Variants in CTR9 observed in about 807,000 individuals in gnomAD.
CTR9 encodes the protein CTR9 component of Paf1/RNA polymerase II complex.
CTR9 carries 41 observed loss-of-function variants against 152.1 expected under a neutral mutation model. That is an observed-to-expected ratio of 0.27 (90% CI 0.21 to 0.35). The LOEUF is 0.35. Among genes scored for constraint, CTR9 ranks in the 10% least tolerant of loss-of-function variants. The pLI, the probability that CTR9 is intolerant of heterozygous loss-of-function variation, is 1.00. For synonymous variants in CTR9, 476 were observed against 496.2 expected (o/e 0.96, Z 0.54); for missense variants, 917 against 1,424.4 (o/e 0.64, Z 5.73).
In CTR9 at chr11:10,774,029, A is replaced by T; in HGVS notation, c.2745A>T (p.Gly915=). Residue 915 remains glycine (G), a synonymous_variant, in exon 22 of 25, where the codon GGA becomes GGT. Transcript: ENST00000361367. ...GGGGRRSKKG[G]EFDEFVNDDT... ...GATTTTAGCGTTCTAAGAAGGGAGG[A>T]GAGTTTGATGAATTTGTCAATGATG... The T allele has an allele frequency of 6.2e-7, 1 of 1,611,444 alleles. No individual in the cohort carries two copies. Among genetic ancestry groups the T allele is most frequent in the Non-Finnish European group, 8.5e-7 (1 of 1,178,914 alleles).
At position 10,773,280 on chromosome 11, in the gene CTR9, T is replaced by C. The variant is rs1863173683; in HGVS notation, c.2727+7T>C. 1 of 1,609,712 alleles carries C rather than the reference T, an allele frequency of 6.2e-7. No individual in the cohort carries two copies. The highest frequency in any genetic ancestry group is 8.5e-7 in the Non-Finnish European group (1 of 1,178,982). ...AGGTGGTGGTGGTGGACGGGTAAGA[T>C]ATAATTCCTGCTAGCACAAGTGACC... On this transcript the variant is annotated splice_region_variant and intron_variant, in intron 21 of 24. Transcript: ENST00000361367.
chr11:10,767,653 C>T lies in CTR9; in HGVS notation c.1687-153C>T, dbSNP rs1396814082. On this transcript the variant is annotated intron_variant, in intron 13 of 24. Coordinates refer to ENST00000361367, the MANE Select transcript of CTR9 (RefSeq NM_014633.5). This position sits in a 1 kb window ranked among gnomAD's most constrained non-coding sequence, Gnocchi z 4.0. Reference sequence around the variant, plus strand: ...TTAGTAGTTCGATAAATTTGGATTGCCATGCAAAAAAAAAAAGAAAGAAAG... The same window carrying T: ...TTAGTAGTTCGATAAATTTGGATTGTCATGCAAAAAAAAAAAGAAAGAAAG... The T allele has an allele frequency of 1.4e-5, 10 of 695,530 alleles. No individual in the cohort carries two copies. In the East Asian group the frequency reaches 2.3e-4, roughly 16 times the overall value. The allele number at this position is 695,530 out of a possible 1,614,324, so 43.1% of individuals were successfully genotyped here.
chr11:10,763,248 A>C (rs1863005699), intron 7 of CTR9, among the ~76,000 whole-genome samples, 183 bp from the exon 8 acceptor site: 1 of 148,688 alleles, frequency 6.7e-6, no homozygotes, highest in Admixed American at 6.6e-5. Context: ...TGGCTGTAGA[A>C]ACATACTCCC....
chr11:10,769,004 C>T (rs1392274641), intron 16 of CTR9, among the ~76,000 whole-genome samples: 6 of 152,112 alleles, frequency 3.9e-5, no homozygotes, highest in East Asian at 1.9e-4. Context: ...GGATGGATCA[C>T]GAGGTCAGGA....
intron 23 of CTR9, 36 bp downstream of exon 23, chr11:10,775,339 T>C: frequency 6.4e-7 from 1 of 1,565,078 alleles, no homozygotes; most frequent in Non-Finnish European, 8.8e-7. Context: ...TGTCCCCTAG[T>C]AGATGTGAAA....
At chr11:10,773,917 A>G (rs993592714) in intron 21 of CTR9, 95 bp from the exon 22 acceptor site, 18 of 796,014 alleles carry the variant, frequency 2.3e-5, no homozygotes, top group Non-Finnish European at 3.4e-5. Context: ...TTCATTGTCA[A>G]ATGACAATGG....
chr11:10,763,749 G>A lies in CTR9; in HGVS notation c.1064G>A (p.Gly355Asp). 1.2e-6 allele frequency: 2 copies of A among 1,613,836 alleles called. No individual in the cohort carries two copies. The highest frequency in any genetic ancestry group is 1.7e-6 in the Non-Finnish European group (2 of 1,179,904). ...FGLGQMYIYR[G>D]DKENASQCFE... The stretch of plus-strand genomic sequence containing the variant: ...TTGGGACAAATGTATATTTATCGAG[G>A]TGACAAAGAAAATGCATCTCAGTGC... Residue 355 changes from glycine to aspartate, a missense_variant, in exon 9 of 25, where the codon GGT becomes GAT. This residue lies in a region of CTR9 where 133 missense variants were observed against 244.1 expected (regional missense o/e 0.54). Coordinates refer to ENST00000361367, the MANE Select transcript of CTR9 (RefSeq NM_014633.5).
In CTR9 at chr11:10,770,249, A is replaced by G. The variant is rs1428146590; in HGVS notation, c.2149A>G (p.Thr717Ala). ...CLRKFYKHQN[T>A]EVVLYLARAL... ...CCGAAAGTTCTATAAGCACCAAAAC[A>G]CTGAAGTTGTACTCTATTTGGCCCG... Residue 717 changes from threonine (T) to alanine (A), a missense_variant, in exon 17 of 25, where the codon ACT becomes GCT. Thr to Ala is a moderately conservative substitution (Grantham distance 58, BLOSUM62 0). Coordinates refer to ENST00000361367, the MANE Select transcript of CTR9 (RefSeq NM_014633.5). The G allele has an allele frequency of 1.9e-6, 3 of 1,613,858 alleles. No individual in the cohort carries two copies. In the Admixed American group the frequency reaches 5.0e-5, roughly 27 times the overall value.
rs1445168588 is a variant in CTR9 at position 10,771,680 on chromosome 11, A to G, written c.2444+64A>G. The G allele has an allele frequency of 2.5e-5, 29 of 1,171,892 alleles. 2 individuals carry two copies. In the Middle Eastern group the frequency reaches 3.8e-3, roughly 154 times the overall value. 72.6% of individuals were successfully genotyped at this position (1,171,892 alleles called of 1,614,324 possible). On this transcript the variant is annotated intron_variant, in intron 19 of 24. Transcript: ENST00000361367. Reference sequence around the variant, plus strand: ...CAGTGATATTTACATGGGCTGGGAAAGTGCCACAGTAGGGAACAGAGGTTC... The same window carrying G: ...CAGTGATATTTACATGGGCTGGGAAGGTGCCACAGTAGGGAACAGAGGTTC...
chr11:10,778,234 G>A (rs913856885), intron 24 of CTR9, among the ~76,000 whole-genome samples: 2 of 152,186 alleles, frequency 1.3e-5, no homozygotes, highest in Non-Finnish European at 1.5e-5. Flanking sequence ...AATGTCCTTT[G>A]AAACCCTTTT....
At position 10,779,418 on chromosome 11, in the gene CTR9, ATCT is replaced by A. The variant is rs1863296527; in HGVS notation, c.*318_*320del. 3.8e-6 allele frequency: 1 copy of A among 261,914 alleles called. No homozygotes were observed. The highest frequency in any genetic ancestry group is 8.9e-5 in the East Asian group (1 of 11,248). The allele number at this position is 261,914 out of a possible 1,614,324, so 16.2% of individuals were successfully genotyped here. Reference sequence around the variant, plus strand: ...TGACTGAAACTGTGGCAGATGTCTCATCTTCTTTATATGTTAAGCAGCATACTC... The same window carrying A: ...TGACTGAAACTGTGGCAGATGTCTCATCTTTATATGTTAAGCAGCATACTC... On this transcript the variant is annotated 3_prime_UTR_variant, in exon 25 of 25. Coordinates refer to ENST00000361367, the MANE Select transcript of CTR9 (RefSeq NM_014633.5).
At position 10,751,427 on chromosome 11, in the gene CTR9, C is replaced by T. The variant is rs777369380; in HGVS notation, c.15C>T (p.Ser5=). MSRG[S]IEIPLRDTDE... is the part of the protein sequence containing the mutation. ...TTGACCCCATCATGTCGCGGGGCTC[C>T]ATCGAGATTCCCCTCCGGGACACTG... Residue 5 remains serine (S), a synonymous_variant, in exon 1 of 25, where the codon TCC becomes TCT. Transcript: ENST00000361367. 8 of 1,613,764 alleles carry T rather than the reference C, an allele frequency of 5.0e-6. No individual in the cohort carries two copies. The highest frequency in any genetic ancestry group is 6.8e-6 in the Non-Finnish European group (8 of 1,180,012).
In CTR9 at chr11:10,763,803, A is replaced by G. The variant is rs2135368360; in HGVS notation, c.1118A>G (p.Asn373Ser). The G allele has an allele frequency of 6.2e-7, 1 of 1,613,944 alleles. No homozygotes were observed. Among genetic ancestry groups the G allele is most frequent in the Non-Finnish European group, 8.5e-7 (1 of 1,179,970 alleles). Residue 373 changes from asparagine (N) to serine (S), a missense_variant, in exon 9 of 25, where the codon AAT becomes AGT. By Grantham distance (46) the Asn-to-Ser change is conservative. This residue lies in a region of CTR9 where 133 missense variants were observed against 244.1 expected (regional missense o/e 0.54). Coordinates refer to ENST00000361367, the MANE Select transcript of CTR9 (RefSeq NM_014633.5). ...GAGAAGGTTTTGAAAGCTTATCCTA[A>G]TAATTACGAAACTATGAAAATTCTC... ...CFEKVLKAYP[N>S]NYETMKILGS...
At position 10,770,276 on chromosome 11, in the gene CTR9, G is replaced by T; in HGVS notation, c.2176G>T (p.Ala726Ser). Residue 726 changes from alanine (A) to serine (S), a missense_variant, in exon 17 of 25, where the codon GCC becomes TCC. Ala to Ser is a moderately conservative substitution (Grantham distance 99). Around this residue, in one of 9 missense-constraint regions of CTR9, gnomAD observed 106 missense variants for 157.8 expected, o/e 0.67. Transcript: ENST00000361367. The stretch of plus-strand genomic sequence containing the variant: ...TGAAGTTGTACTCTATTTGGCCCGG[G>T]CCCTCTTCAAGTGTGGCAAGTTACA... ...NTEVVLYLAR[A>S]LFKCGKLQEC... The T allele has an allele frequency of 6.2e-7, 1 of 1,614,008 alleles. No individual in the cohort carries two copies. The highest frequency in any genetic ancestry group is 1.3e-5 in the African/African-American group (1 of 75,024).
chr11:10,776,970 TGAA>T (rs1564973651), intron 24 of CTR9, among the ~76,000 whole-genome samples: 1 of 26,102 alleles, frequency 3.8e-5, no homozygotes, highest in African/African-American at 1.0e-4. Flanking sequence ...GAGACTCTTG[TGAA>T]AAAAAAAAAA....
At position 10,756,973 on chromosome 11, in the gene CTR9, G is replaced by A. The variant is rs115752156; in HGVS notation, c.592+135G>A. On this transcript the variant is annotated intron_variant, in intron 5 of 24. Coordinates refer to ENST00000361367, the MANE Select transcript of CTR9 (RefSeq NM_014633.5). ...AATGTCAGAATCAAGTTTTTTTTTT[G>A]ATGCTATGTTTGAGTCAAAAGCTGG... 2.4e-3 allele frequency: 1,615 copies of A among 684,508 alleles called. 26 individuals are homozygous for A. In the African/African-American group the frequency reaches 0.027, roughly 11 times the overall value. 42.4% of individuals were successfully genotyped at this position (684,508 alleles called of 1,614,324 possible).
At chr11:10,754,825 T>G in intron 2 of CTR9, 133 bp from the exon 3 acceptor site, 1 of 872,976 alleles carries the variant, frequency 1.1e-6, no homozygotes, top group Non-Finnish European at 1.7e-6. Context: ...TGTTTATCCA[T>G]TCACCTGTTA....
rs780442269 is a variant in CTR9, at chr11:10,764,144, C to T, written c.1227C>T (p.Pro409=). The change falls in exon 10 of 25, where the codon CCC becomes CCT. Residue 409 remains proline (P), a synonymous_variant. Transcript: ENST00000361367. ...TGAAGAAGGTCACAGAACAGTATCC[C>T]GATGATGTTGAAGCTTGGATTGAAT... ...GHLKKVTEQY[P]DDVEAWIELA... 5.0e-6 allele frequency: 8 copies of T among 1,614,066 alleles called. No individual in the cohort carries two copies. Among genetic ancestry groups the T allele is most frequent in the Non-Finnish European group, 6.8e-6 (8 of 1,179,978 alleles).
At chr11:10,770,146 C>A in intron 16 of CTR9, 64 bp from the exon 17 acceptor site, 1 of 1,207,106 alleles carries the variant, frequency 8.3e-7, no homozygotes, top group South Asian at 1.4e-5. Context: ...TGCCATTTTG[C>A]TACAAAATGA....
Sources: allele counts gnomAD v4.1 joint callset (sites outside exome capture counted in the v4.1 genomes callset), GRCh38; gene constraint gnomAD v4.1.1; regional missense constraint gnomAD v4.1.1; non-coding constraint Gnocchi (gnomAD v3.1); transcripts MANE v1.5; gene names NCBI Gene and HGNC (gene_info 2026-07-23, HGNC 2026-07-21).